Variants in ALMS1 observed in about 807,000 individuals in gnomAD.
The protein encoded by ALMS1 is ALMS1 centrosome and basal body associated protein.
Under a neutral mutation model 352.2 loss-of-function variants are expected in ALMS1, and 271 were observed. The observed-to-expected ratio is 0.77, with a 90% CI of 0.70 to 0.85. The LOEUF (loss-of-function observed/expected upper bound fraction) is 0.85, where lower values mean the gene tolerates loss of function less well. ALMS1 is among the 40% of genes least tolerant of loss of function. ALMS1 has a pLI of 0.00. For missense variants in ALMS1, 5,445 were observed against 4,870.7 expected, an observed-to-expected ratio of 1.12 and a Z score of -3.51; for synonymous variants, 1,865 against 1,761.2, an observed-to-expected ratio of 1.06 and a Z score of -1.48.
At chr2:73,564,539 A>T (rs781636094) in intron 15 of ALMS1, among the ~76,000 whole-genome samples, 1 of 152,164 alleles carries the variant, frequency 6.6e-6, no homozygotes, top group Non-Finnish European at 1.5e-5. Flanking sequence ...AGTGCAATCA[A>T]CCATCACCAT....
At chr2:73,588,700 C>G (rs1288408920) in intron 16 of ALMS1, among the ~76,000 whole-genome samples, 2 of 152,260 alleles carry the variant, frequency 1.3e-5, no homozygotes, top group African/African-American at 4.8e-5. Context: ...TTTTAGATCT[C>G]TCCTTATTTA....
At chr2:73,443,943 A>G (rs928310169) in intron 7 of ALMS1, among the ~76,000 whole-genome samples, 1 of 152,140 alleles carries the variant, frequency 6.6e-6, no homozygotes, top group African/African-American at 2.4e-5. Flanking sequence ...TGTGACTTGA[A>G]TGGCCTATAT....
chr2:73,408,593 C>A, intron 1 of ALMS1, 29 bp from the exon 2 acceptor site: 2 of 1,607,208 alleles, frequency 1.2e-6, no homozygotes, highest in Non-Finnish European at 1.7e-6. Context: ...TGTGTTATTA[C>A]TCTATTTAAG....
intron 17 of ALMS1, among the ~76,000 whole-genome samples, chr2:73,599,959 A>G (rs1375889076): frequency 2.6e-5 from 4 of 152,244 alleles, no homozygotes; most frequent in African/African-American, 9.6e-5. Context: ...CAGTAGCTGA[A>G]TGATTACATA....
chr2:73,432,108 A>G, intron 6 of ALMS1, 90 bp from the exon 7 acceptor site: 1 of 961,056 alleles, frequency 1.0e-6, no homozygotes, highest in Admixed American at 1.8e-5. Context: ...TTAATATCTT[A>G]TTTTCTTCAT....
chr2:73,487,569 C>A (rs1672878846), intron 9 of ALMS1, among the ~76,000 whole-genome samples: 1 of 152,148 alleles, frequency 6.6e-6, no homozygotes, highest in African/African-American at 2.4e-5. Flanking sequence ...CTTGTCTCTT[C>A]TTCTTGTTCC....
In ALMS1 at chr2:73,550,417, C is replaced by G. The variant is rs760647310; in HGVS notation, c.10058C>G (p.Pro3353Arg). 3 of 1,614,012 alleles carry G rather than the reference C, an allele frequency of 1.9e-6. No individual in the cohort carries two copies. Among genetic ancestry groups the G allele is most frequent in the East Asian group, 4.5e-5 (2 of 44,872 alleles). ...TKASLPVGEK[P>R]LQNENADASV... ...GCATCCTTGCCAGTGGGAGAAAAAC[C>G]CTTGCAGAATGAAAATGCAGGTAAC... Residue 3353 changes from proline to arginine, a missense_variant, in exon 13 of 23, where the codon CCC becomes CGC. By Grantham distance (103) the Pro-to-Arg change is moderately radical (BLOSUM62 -2). Coordinates refer to ENST00000613296, the MANE Select transcript of ALMS1 (RefSeq NM_001378454.1).
intron 10 of ALMS1, among the ~76,000 whole-genome samples, chr2:73,515,099 G>C (rs1279076766): frequency 1.3e-5 from 2 of 152,118 alleles, no homozygotes; most frequent in Admixed American, 6.6e-5. Context: ...TGTGCCCCGT[G>C]AGTCTCTTAT....
At chr2:73,585,314 A>G (rs1465913312) in intron 16 of ALMS1, among the ~76,000 whole-genome samples, 2 of 149,178 alleles carry the variant, frequency 1.3e-5, no homozygotes, top group South Asian at 2.1e-4. Context: ...TTTTTTATTT[A>G]TGGCCATTCT....
chr2:73,386,655 A>T (rs1670540811), intron 1 of ALMS1, among the ~76,000 whole-genome samples: 1 of 151,974 alleles, frequency 6.6e-6, no homozygotes, highest in Non-Finnish European at 1.5e-5. Flanking sequence ...TAGTCTGGAG[A>T]GGCTCCCCGC....
At chr2:73,559,179 T>G (rs1337939506) in intron 15 of ALMS1, 37 bp downstream of exon 15, 2 of 1,599,532 alleles carry the variant, frequency 1.3e-6, no homozygotes. Context: ...GTGTGTGTCT[T>G]TGTGTGTATG....
chr2:73,581,195 C>T (rs1675169191), intron 16 of ALMS1, among the ~76,000 whole-genome samples: 2 of 152,166 alleles, frequency 1.3e-5, no homozygotes, highest in South Asian at 2.1e-4. Context: ...TTCCCTTGAA[C>T]TGTTAATTTT....
At chr2:73,512,500 A>G (rs1307080030) in intron 10 of ALMS1, among the ~76,000 whole-genome samples, 1 of 151,548 alleles carries the variant, frequency 6.6e-6, no homozygotes, top group Non-Finnish European at 1.5e-5. Flanking sequence ...TAATATGCCC[A>G]TTTACTATCT....
chr2:73,593,772 C>T (rs903465336), intron 16 of ALMS1, among the ~76,000 whole-genome samples: 3 of 152,216 alleles, frequency 2.0e-5, no homozygotes, highest in African/African-American at 4.8e-5. Context: ...CCACAGCCTG[C>T]AGGCAACCAC....
intron 20 of ALMS1, among the ~76,000 whole-genome samples, chr2:73,602,893 C>G (rs1675730064): frequency 6.6e-6 from 1 of 152,156 alleles, no homozygotes; most frequent in African/African-American, 2.4e-5. Context: ...CAGGTGTGCT[C>G]CTCTGGAGTC....
chr2:73,489,844 C>T lies in ALMS1; in HGVS notation c.7885C>T (p.Leu2629Phe). Reference sequence around the variant, plus strand: ...ATCATGCAGAGCCAAGCATGTCAACCTTTCTGCATCCTTAGACCAGAACAA... The same window carrying T: ...ATCATGCAGAGCCAAGCATGTCAACTTTTCTGCATCCTTAGACCAGAACAA... ...PSSCRAKHVN[L>F]SASLDQNNSH... Residue 2629 changes from leucine to phenylalanine, a missense_variant, in exon 10 of 23, where the codon CTT (leucine) becomes TTT (phenylalanine). Coordinates refer to ENST00000613296, the MANE Select transcript of ALMS1 (RefSeq NM_001378454.1). The T allele has an allele frequency of 4.3e-6, 7 of 1,614,202 alleles. No homozygotes were observed. The highest frequency in any genetic ancestry group is 5.9e-6 in the Non-Finnish European group (7 of 1,180,042).
At position 73,450,192 on chromosome 2, in the gene ALMS1, T is replaced by G. The variant is rs367722419; in HGVS notation, c.3665T>G (p.Leu1222Arg). 5.0e-6 allele frequency: 8 copies of G among 1,611,996 alleles called. No individual in the cohort carries two copies. Among genetic ancestry groups the G allele is most frequent in the Non-Finnish European group, 6.8e-6 (8 of 1,179,214 alleles). Residue 1222 changes from leucine to arginine, a missense_variant, in exon 8 of 23, where the codon CTT becomes CGT. Coordinates refer to ENST00000613296, the MANE Select transcript of ALMS1 (RefSeq NM_001378454.1). ...PEEAQKVSPV[L>R]GPADQKTGTP... ...GAGGCACAGAAAGTTTCACCTGTTC[T>G]TGGACCAGCTGACCAGAAGACTGGG...
intron 9 of ALMS1, chr2:73,462,810 GTC>G (rs1374720752): frequency 6.6e-6 from 1 of 152,094 alleles, no homozygotes; most frequent in Non-Finnish European, 1.5e-5. Flanking sequence ...TGCAATCCTA[GTC>G]TCTGATAAAA....
rs529032500 is a variant in ALMS1 at position 73,499,603 on chromosome 2, T to C, written c.9539+8105T>C. Among the ~76,000 whole-genome samples, 44 of 152,296 alleles carry C rather than the reference T, an allele frequency of 2.9e-4. No individual in the cohort carries two copies. The South Asian group carries it at 8.3e-3, about 29-fold the overall frequency. On this transcript the variant is annotated intron_variant, in intron 10 of 22. Coordinates refer to ENST00000613296, the MANE Select transcript of ALMS1 (RefSeq NM_001378454.1). ...CCAGTTTTCATTTATTTCTGCTGTT[T>C]TATAGTTTTTGTCAGGGAATTCTGA... is the stretch of plus-strand genomic sequence containing the variant.
Sources: gnomAD v4.1 joint callset for allele counts (sites outside exome capture counted in the v4.1 genomes callset) on GRCh38, gnomAD v4.1.1 for gene constraint, MANE v1.5 for transcripts, NCBI Gene and HGNC (gene_info 2026-07-23, HGNC 2026-07-21) for gene names.